LSAMP: variants seen among roughly 807,000 people sequenced by gnomAD.
LSAMP encodes limbic system-associated membrane protein.
In LSAMP, 7 loss-of-function variants were observed where a neutral mutation model predicts 38.6. That is an observed-to-expected ratio of 0.18 (90% CI 0.10 to 0.34). The LOEUF (loss-of-function observed/expected upper bound fraction) is 0.34. Among genes scored for constraint, LSAMP ranks in the 10% least tolerant of loss-of-function variants. LSAMP has a pLI of 1.00. For missense variants in LSAMP, 313 were observed against 420.0 expected (o/e 0.75, Z 2.23); for synonymous variants, 154 against 166.8 (o/e 0.92, Z 0.59).
chr3:116,033,877 C>T (rs1382441095), intron 2 of LSAMP, among the ~76,000 whole-genome samples: 5 of 152,082 alleles, frequency 3.3e-5, no homozygotes, highest in Non-Finnish European at 7.4e-5. Flanking sequence ...AGCTCGTCCA[C>T]AAGGGAAGAA....
At chr3:116,211,180 G>A (rs939654331) in intron 1 of LSAMP, among the ~76,000 whole-genome samples, 1 of 152,172 alleles carries the variant, frequency 6.6e-6, no homozygotes, top group Admixed American at 6.5e-5. Flanking sequence ...CGGTTACCAG[G>A]GATGGGAGGA....
At chr3:116,166,426 T>G (rs1710051284) in intron 1 of LSAMP, among the ~76,000 whole-genome samples, 1 of 152,214 alleles carries the variant, frequency 6.6e-6, no homozygotes, top group South Asian at 2.1e-4. Flanking sequence ...AACTAACAAG[T>G]GGACCCAGGC....
In LSAMP at chr3:115,997,235, G is replaced by A. The variant is rs115877730; in HGVS notation, c.514+22280C>T. Among the ~76,000 whole-genome samples, 1,001 of 152,226 alleles carry A rather than the reference G, an allele frequency of 6.6e-3. 5 individuals carry two copies. Among genetic ancestry groups the A allele is most frequent in the African/African-American group, 0.022 (914 of 41,540 alleles). On this transcript the variant is annotated intron_variant, in intron 3 of 6. Transcript: ENST00000490035. ...GTAATTCAACATATATCTGTGAGCA[G>A]TAAATATGCCCTGGTCACCCTTCTA...
At chr3:116,346,301 T>TG (rs1445423912) in intron 1 of LSAMP, among the ~76,000 whole-genome samples, 3 of 147,584 alleles carry the variant, frequency 2.0e-5, no homozygotes, top group African/African-American at 5.2e-5. Flanking sequence ...GGAAACATGA[T>TG]TTTTTTTTCT....
intron 3 of LSAMP, among the ~76,000 whole-genome samples, chr3:115,869,369 T>A (rs1478106279): frequency 6.6e-6 from 1 of 151,576 alleles, no homozygotes; most frequent in Admixed American, 6.6e-5. Context: ...AATCTCTACT[T>A]GATGAGTACC....
At chr3:115,996,462 T>C (rs1409844818) in intron 3 of LSAMP, among the ~76,000 whole-genome samples, 2 of 152,128 alleles carry the variant, frequency 1.3e-5, no homozygotes, top group Admixed American at 6.6e-5. Flanking sequence ...TACAGTATTA[T>C]GACTTCAGTA....
At chr3:115,978,859 T>C (rs1325225426) in intron 3 of LSAMP, among the ~76,000 whole-genome samples, 1 of 152,104 alleles carries the variant, frequency 6.6e-6, no homozygotes, top group Non-Finnish European at 1.5e-5. Context: ...GACTATTTGA[T>C]TTTGCAGTTA....
intron 1 of LSAMP, among the ~76,000 whole-genome samples, chr3:116,104,625 T>C (rs972663169): frequency 3.3e-5 from 5 of 152,126 alleles, no homozygotes; most frequent in Admixed American, 1.3e-4. Context: ...GATACTGGAG[T>C]TGCACAGGAC....
chr3:116,305,708 A>C (rs1359592843), intron 1 of LSAMP, among the ~76,000 whole-genome samples: 1 of 152,094 alleles, frequency 6.6e-6, no homozygotes, highest in East Asian at 1.9e-4. Context: ...ATCCATTTCC[A>C]AATTGCACTC....
chr3:116,234,700 C>T (rs1024524824), intron 1 of LSAMP, among the ~76,000 whole-genome samples: 1 of 152,032 alleles, frequency 6.6e-6, no homozygotes, highest in Non-Finnish European at 1.5e-5. Flanking sequence ...ATCTTTTCTT[C>T]TCTATTTGAA....
chr3:116,346,849 T>C (rs1403770806), intron 1 of LSAMP, among the ~76,000 whole-genome samples: 2 of 152,202 alleles, frequency 1.3e-5, no homozygotes, highest in African/African-American at 2.4e-5. Context: ...TTCTAACATA[T>C]CAAGAGTCTT....
intron 4 of LSAMP, among the ~76,000 whole-genome samples, chr3:115,848,833 T>C (rs969624840): frequency 6.6e-5 from 10 of 152,204 alleles, no homozygotes; most frequent in Non-Finnish European, 8.8e-5. Flanking sequence ...GGGGACAGGC[T>C]TGAGAGCTGG....
chr3:116,204,375 T>C (rs2046034151), intron 1 of LSAMP, among the ~76,000 whole-genome samples: 1 of 152,196 alleles, frequency 6.6e-6, no homozygotes, highest in South Asian at 2.1e-4. Context: ...GATGGTAGTT[T>C]CTTTTGCTGT....
At chr3:116,353,554 T>A (rs1039739484) in intron 1 of LSAMP, among the ~76,000 whole-genome samples, 2 of 152,020 alleles carry the variant, frequency 1.3e-5, no homozygotes, top group African/African-American at 4.8e-5. Flanking sequence ...ATCCAGTACG[T>A]GCAGAGTACA....
intron 1 of LSAMP, among the ~76,000 whole-genome samples, chr3:116,208,931 G>A (rs1226887622): frequency 1.3e-5 from 2 of 152,220 alleles, no homozygotes; most frequent in Non-Finnish European, 2.9e-5. Flanking sequence ...GCTCCACCCA[G>A]TTGGAGCTTC....
intron 3 of LSAMP, among the ~76,000 whole-genome samples, chr3:115,953,838 G>C (rs984965871): frequency 6.6e-6 from 1 of 152,078 alleles, no homozygotes; most frequent in Non-Finnish European, 1.5e-5. Flanking sequence ...TCCTGCTTTA[G>C]GACCCCTTTG....
intron 1 of LSAMP, among the ~76,000 whole-genome samples, chr3:116,428,301 T>G (rs530586762): frequency 7.0e-4 from 107 of 152,156 alleles, no homozygotes; most frequent in African/African-American, 2.6e-3. Context: ...CTACTAAAAA[T>G]AGAAAAATTA....
chr3:116,082,988 A>G (rs1707904861), intron 2 of LSAMP, among the ~76,000 whole-genome samples: 1 of 152,170 alleles, frequency 6.6e-6, no homozygotes, highest in Admixed American at 6.5e-5. Flanking sequence ...AACCCCTCTG[A>G]CGTGTTTAGC....
rs1369306265 is a variant in LSAMP at position 115,940,384 on chromosome 3, A to G, written c.514+79131T>C. Among the ~76,000 whole-genome samples the G allele has an allele frequency of 2.4e-5, 3 of 126,578 alleles. No homozygotes were observed. In the East Asian group the frequency reaches 7.1e-4, roughly 30 times the overall value. The allele number at this position is 126,578 out of a possible 152,430, so 83.0% of individuals were successfully genotyped here. A position where few individuals can be genotyped will look rare whatever the true frequency, so the allele number is the denominator to read the frequency against. On this transcript the variant is annotated intron_variant, in intron 3 of 6. Coordinates refer to ENST00000490035, the MANE Select transcript of LSAMP (RefSeq NM_002338.5). ...AGTCCTTTAGCTAGACAGAGTGCTTATTGGTGCATTTTTACAGAGTGCTAA... is the reference window on the plus strand; with the variant it reads ...AGTCCTTTAGCTAGACAGAGTGCTTGTTGGTGCATTTTTACAGAGTGCTAA...
Sources: allele counts gnomAD v4.1 joint callset (sites outside exome capture counted in the v4.1 genomes callset), GRCh38; gene constraint gnomAD v4.1.1; transcripts MANE v1.5; gene names NCBI Gene and HGNC (gene_info 2026-07-23, HGNC 2026-07-21).